Variants in ARHGAP24 observed in about 807,000 individuals in gnomAD.
The protein encoded by ARHGAP24 is Rho GTPase activating protein 24.
In ARHGAP24, 50 loss-of-function variants were observed where a neutral mutation model predicts 76.4. The ratio of observed to expected loss-of-function variants is 0.65; its 90% confidence interval spans 0.52 to 0.83. The LOEUF is 0.83. Among genes scored for constraint, ARHGAP24 ranks in the 40% least tolerant of loss-of-function variants. The pLI is 0.00. For missense variants in ARHGAP24, 930 were observed against 914.2 expected, an observed-to-expected ratio of 1.02 and a Z score of -0.22; for synonymous variants, 345 against 323.3, an observed-to-expected ratio of 1.07 and a Z score of -0.72.
At chr4:85,927,341 G>A (rs1214204567) in intron 4 of ARHGAP24, among the ~76,000 whole-genome samples, 1 of 152,124 alleles carries the variant, frequency 6.6e-6, no homozygotes, top group Non-Finnish European at 1.5e-5. Context: ...ATGGGGGGAT[G>A]AGGGGGTGAT....
chr4:85,523,311 A>G (rs1445018480), intron 1 of ARHGAP24, among the ~76,000 whole-genome samples: 2 of 152,216 alleles, frequency 1.3e-5, no homozygotes, highest in African/African-American at 2.4e-5. Flanking sequence ...TCAGTACTGT[A>G]CATGACTCCT....
At chr4:85,921,572 GAAGTTAAAT>G (rs1403522225) in intron 3 of ARHGAP24, among the ~76,000 whole-genome samples, 1 of 151,978 alleles carries the variant, frequency 6.6e-6, no homozygotes, top group Non-Finnish European at 1.5e-5. Flanking sequence ...TGAGTTTCCA[GAAGTTAAAT>G]AACTCCCTGG....
At chr4:85,805,871 A>G (rs1226422530) in intron 3 of ARHGAP24, among the ~76,000 whole-genome samples, 3 of 152,192 alleles carry the variant, frequency 2.0e-5, no homozygotes, top group African/African-American at 7.2e-5. Context: ...TGGAAATTTA[A>G]TGTAAATCAG....
Position 85,942,111 on chromosome 4 carries a change from G to A in ARHGAP24, c.437G>A (p.Arg146Lys). ...KLEDTVRYEK[R>K]YGNRLAPMLV... ...GAGGATACTGTTCGTTATGAGAAGA[G>A]ATATGGGAACCGTCTGGCTCCGATG... Residue 146 changes from arginine to lysine, a missense_variant, in exon 5 of 10, where the codon AGA becomes AAA. Coordinates refer to ENST00000395184, the MANE Select transcript of ARHGAP24 (RefSeq NM_001025616.3). The A allele has an allele frequency of 1.2e-6, 2 of 1,613,940 alleles. No homozygotes were observed. The highest frequency in any genetic ancestry group is 1.7e-6 in the Non-Finnish European group (2 of 1,179,996).
chr4:85,569,433 T>G (rs756101533), intron 1 of ARHGAP24, among the ~76,000 whole-genome samples: 6 of 152,210 alleles, frequency 3.9e-5, no homozygotes, highest in Non-Finnish European at 7.3e-5. Flanking sequence ...CACTTGTCCC[T>G]GGCTCCCCCA....
At chr4:85,567,858 T>G (rs1726908196) in intron 1 of ARHGAP24, among the ~76,000 whole-genome samples, 1 of 152,252 alleles carries the variant, frequency 6.6e-6, no homozygotes, top group Admixed American at 6.5e-5. Flanking sequence ...TTTCCTCATC[T>G]AACAATAGTT....
intron 2 of ARHGAP24, among the ~76,000 whole-genome samples, chr4:85,701,029 T>C (rs908256637): frequency 5.9e-5 from 9 of 152,288 alleles, no homozygotes; most frequent in Admixed American, 5.9e-4. Context: ...GGAAGAAATA[T>C]TTCATTATAA....
chr4:85,736,490 A>T (rs1292859797), intron 3 of ARHGAP24, among the ~76,000 whole-genome samples: 2 of 152,214 alleles, frequency 1.3e-5, no homozygotes, highest in Non-Finnish European at 2.9e-5. Flanking sequence ...TCTGTGATTC[A>T]ATTCGAATCC....
At chr4:85,520,520 C>A (rs1242026698) in intron 1 of ARHGAP24, among the ~76,000 whole-genome samples, 1 of 152,144 alleles carries the variant, frequency 6.6e-6, no homozygotes, top group Non-Finnish European at 1.5e-5. Flanking sequence ...AGTGCATATT[C>A]AATCAGTAAT....
chr4:85,732,124 A>G (rs1191170628), intron 3 of ARHGAP24, among the ~76,000 whole-genome samples: 2 of 152,236 alleles, frequency 1.3e-5, no homozygotes, highest in Non-Finnish European at 1.5e-5. Context: ...TAATCAAGCT[A>G]TGAAAATAGC....
chr4:85,966,708 A>G (rs1738632079), intron 5 of ARHGAP24, among the ~76,000 whole-genome samples: 1 of 152,156 alleles, frequency 6.6e-6, no homozygotes, highest in Non-Finnish European at 1.5e-5. Context: ...TGTTGGAAGT[A>G]CTGCCAAATG....
chr4:85,895,751 A>G (rs1734141981), intron 3 of ARHGAP24, among the ~76,000 whole-genome samples: 1 of 152,164 alleles, frequency 6.6e-6, no homozygotes, highest in Admixed American at 6.5e-5. Flanking sequence ...AGAATTTTAC[A>G]CTACTTGCAC....
chr4:85,494,482 C>A (rs1027828848), intron 1 of ARHGAP24, among the ~76,000 whole-genome samples: 3 of 151,700 alleles, frequency 2.0e-5, no homozygotes, highest in Admixed American at 6.6e-5. Flanking sequence ...GTCAAGAGAT[C>A]GAGACCATCC....
At chr4:85,784,121 G>T (rs1388123740) in intron 3 of ARHGAP24, among the ~76,000 whole-genome samples, 3 of 152,160 alleles carry the variant, frequency 2.0e-5, no homozygotes, top group African/African-American at 7.2e-5. Context: ...CTCAGAGGTT[G>T]CTCATGATGG....
chr4:85,700,407 ATAAAT>A (rs1452725713), intron 2 of ARHGAP24, among the ~76,000 whole-genome samples: 2,872 of 141,668 alleles, frequency 0.02, 128 homozygotes, highest in African/African-American at 0.066. Context: ...AAAAAAAAAA[ATAAAT>A]AAATAAAGAA....
At position 85,652,284 on chromosome 4, in the gene ARHGAP24, A is replaced by G. The variant is rs149621176; in HGVS notation, c.181-69601A>G. On this transcript the variant is annotated intron_variant, in intron 2 of 9. Coordinates refer to ENST00000395184, the MANE Select transcript of ARHGAP24 (RefSeq NM_001025616.3). ...AGTGATAATGATTTTCATAAAGAAT[A>G]TGTTAGTGATTAGGAATATTTCTAC... 1.5e-3 allele frequency among the ~76,000 whole-genome samples: 235 copies of G among 152,304 alleles called. 1 individual carries two copies. Among genetic ancestry groups the G allele is most frequent in the African/African-American group, 5.3e-3 (222 of 41,584 alleles).
intron 4 of ARHGAP24, among the ~76,000 whole-genome samples, chr4:85,934,415 C>G (rs1736514130): frequency 6.6e-6 from 1 of 152,234 alleles, no homozygotes; most frequent in Non-Finnish European, 1.5e-5. Context: ...ACTTTATGCT[C>G]TCTTCAAGGC....
At chr4:85,983,049 C>T (rs1216986513) in intron 8 of ARHGAP24, among the ~76,000 whole-genome samples, 1 of 152,128 alleles carries the variant, frequency 6.6e-6, no homozygotes. Flanking sequence ...CATTAGTTTG[C>T]TGAGTATAAT....
chr4:85,885,322 G>A (rs1560695470), intron 3 of ARHGAP24, among the ~76,000 whole-genome samples: 1 of 152,008 alleles, frequency 6.6e-6, no homozygotes. Context: ...CTGGAAACTT[G>A]GTGTCTATTA....
Sources: allele counts gnomAD v4.1 joint callset (sites outside exome capture counted in the v4.1 genomes callset), GRCh38; gene constraint gnomAD v4.1.1; transcripts MANE v1.5; gene names NCBI Gene and HGNC (gene_info 2026-07-23, HGNC 2026-07-21).